The following DNAI4 variants were observed in gnomAD, a reference collection of about 807,000 sequenced individuals.
DNAI4 encodes the protein WD repeat domain 78.
In DNAI4, 85 loss-of-function variants were observed where a neutral mutation model predicts 105.8. The observed-to-expected ratio is 0.80, with a 90% CI of 0.67 to 0.96. The LOEUF (loss-of-function observed/expected upper bound fraction) is 0.96. Among genes scored for constraint, DNAI4 ranks in the 40% least tolerant of loss-of-function variants. DNAI4 has a pLI of 0.00. For missense variants in DNAI4, 1,014 were observed against 1,005.6 expected, an observed-to-expected ratio of 1.01 and a Z score of -0.11; for synonymous variants, 352 against 331.5, an observed-to-expected ratio of 1.06 and a Z score of -0.67.
chr1:66,813,385 T>C lies in DNAI4; in HGVS notation c.*745A>G, dbSNP rs1645453235. The stretch of plus-strand genomic sequence containing the variant: ...CCTTGCTCTAGAACTCTTCATAAAA[T>C]AACATCCTGATGTGGCCTATAGATC... On this transcript the variant is annotated 3_prime_UTR_variant, in exon 17 of 17. Coordinates refer to ENST00000371026, the MANE Select transcript of DNAI4 (RefSeq NM_024763.5). The C allele has an allele frequency of 6.6e-6, 1 of 152,306 alleles. No homozygotes were observed. Among genetic ancestry groups the C allele is most frequent in the Admixed American group, 6.5e-5 (1 of 15,278 alleles). The allele number at this position is 152,306 out of a possible 1,614,324, so 9.4% of individuals were successfully genotyped here. A position where few individuals can be genotyped will look rare whatever the true frequency, so the allele number is the denominator to read the frequency against.
In DNAI4 at chr1:66,834,166, A is replaced by T. The variant is rs774195475; in HGVS notation, c.1734-18T>A. 5.7e-6 allele frequency: 9 copies of T among 1,568,242 alleles called. No homozygotes were observed. The highest frequency in any genetic ancestry group is 7.8e-6 in the Non-Finnish European group (9 of 1,159,154). On this transcript the variant is annotated intron_variant, in intron 11 of 16. Coordinates refer to ENST00000371026, the MANE Select transcript of DNAI4 (RefSeq NM_024763.5). Reference sequence around the variant, plus strand: ...GTGATTCACTAAAACAGTAAAAAAAATACTAAACATATAATCATTATAATA... The same window carrying T: ...GTGATTCACTAAAACAGTAAAAAAATTACTAAACATATAATCATTATAATA...
intron 5 of DNAI4, 43 bp from the exon 6 acceptor site, chr1:66,871,552 C>A (rs751338119): frequency 2.7e-6 from 4 of 1,496,698 alleles, no homozygotes; most frequent in Non-Finnish European, 2.7e-6. Flanking sequence ...TAAGAATCAT[C>A]ACCACACGTA....
intron 4 of DNAI4, among the ~76,000 whole-genome samples, chr1:66,889,755 T>G (rs1258244683): frequency 6.6e-6 from 1 of 152,308 alleles, no homozygotes; most frequent in Non-Finnish European, 1.5e-5. Context: ...CATTATTATT[T>G]CCTCATTCTT....
rs1476840155 is a variant in DNAI4, at chr1:66,837,826, A to G, written c.1495-30T>C. 2.6e-6 allele frequency: 4 copies of G among 1,561,218 alleles called. No individual in the cohort carries two copies. In the African/African-American group the frequency reaches 5.5e-5, roughly 22 times the overall value. On this transcript the variant is annotated intron_variant, in intron 9 of 16. Coordinates refer to ENST00000371026, the MANE Select transcript of DNAI4 (RefSeq NM_024763.5). ...AAACCAGAAAAATACATTTAAAAAT[A>G]AGAGAAGATAGCATTAAAATATTGG... is the stretch of plus-strand genomic sequence containing the variant.
intron 7 of DNAI4, chr1:66,848,039 T>C: frequency 8.1e-6 from 3 of 368,568 alleles, no homozygotes; most frequent in South Asian, 4.2e-5. Flanking sequence ...TATTAAGTTT[T>C]CTCTTGCTGC....
chr1:66,838,397 A>G (rs1032650428), intron 9 of DNAI4, among the ~76,000 whole-genome samples: 2 of 152,314 alleles, frequency 1.3e-5, no homozygotes, highest in Non-Finnish European at 2.9e-5. Flanking sequence ...ACTGCAAACC[A>G]GGAAGAGAGC....
chr1:66,910,653 A>G (rs1286556501), intron 1 of DNAI4, among the ~76,000 whole-genome samples: 3 of 152,198 alleles, frequency 2.0e-5, no homozygotes, highest in Non-Finnish European at 4.4e-5. Flanking sequence ...TAAAATGTCA[A>G]AATTCTCTCT....
chr1:66,917,349 T>G (rs1650143296), intron 1 of DNAI4, among the ~76,000 whole-genome samples: 1 of 152,204 alleles, frequency 6.6e-6, no homozygotes, highest in Non-Finnish European at 1.5e-5. Context: ...CATGGACAAT[T>G]GTTGTCTTGT....
chr1:66,833,021 G>C (rs900694928), intron 13 of DNAI4, among the ~76,000 whole-genome samples: 1 of 152,010 alleles, frequency 6.6e-6, no homozygotes, highest in African/African-American at 2.4e-5. Context: ...AGTGGCCAAG[G>C]GGGGCAGGGA....
At chr1:66,924,103 A>G (rs989689171) in intron 1 of DNAI4, among the ~76,000 whole-genome samples, 1 of 152,248 alleles carries the variant, frequency 6.6e-6, no homozygotes, top group African/African-American at 2.4e-5. Context: ...GCCTTAACAA[A>G]CTAGAAGTGC....
chr1:66,859,935 T>C (rs1268409299), intron 7 of DNAI4, among the ~76,000 whole-genome samples: 4 of 152,100 alleles, frequency 2.6e-5, no homozygotes, highest in African/African-American at 7.2e-5. Context: ...AAGAACTATA[T>C]AACACAAAGA....
At chr1:66,915,858 C>T (rs971049542) in intron 1 of DNAI4, among the ~76,000 whole-genome samples, 1 of 152,020 alleles carries the variant, frequency 6.6e-6, no homozygotes, top group African/African-American at 2.4e-5. Flanking sequence ...CACAGTGGCT[C>T]ACGTCTGTAA....
intron 11 of DNAI4, among the ~76,000 whole-genome samples, chr1:66,835,189 T>TAGACAGAC (rs144792255): frequency 2.4e-4 from 30 of 122,574 alleles, no homozygotes; most frequent in Admixed American, 4.3e-4. Flanking sequence ...ATACCCTCCT[T>TAGACAGAC]AGACAGATAG....
At chr1:66,900,055 T>C (rs1182266482) in intron 2 of DNAI4, among the ~76,000 whole-genome samples, 1 of 152,168 alleles carries the variant, frequency 6.6e-6, no homozygotes, top group Non-Finnish European at 1.5e-5. Flanking sequence ...TGATTCCATA[T>C]GAATTTTATT....
intron 15 of DNAI4, among the ~76,000 whole-genome samples, chr1:66,824,212 A>T (rs1645698609): frequency 7.1e-6 from 1 of 140,792 alleles, no homozygotes; most frequent in African/African-American, 2.6e-5. Context: ...CAAAGATCAG[A>T]TAGTTGTAGA....
intron 1 of DNAI4, among the ~76,000 whole-genome samples, chr1:66,920,453 CACTT>C (rs1406975692): frequency 2.0e-5 from 3 of 152,306 alleles, no homozygotes; most frequent in Admixed American, 2.0e-4. Flanking sequence ...GAGCTGTTAA[CACTT>C]ACGCTGTCTG....
chr1:66,827,934 C>G (rs1444951441), intron 13 of DNAI4, 24 bp from the exon 14 acceptor site: 1 of 1,451,502 alleles, frequency 6.9e-7, no homozygotes, highest in Non-Finnish European at 9.6e-7. Context: ...CATCGAAATG[C>G]ATTGGCTTGT....
chr1:66,889,003 C>A (rs1647369962), intron 4 of DNAI4, among the ~76,000 whole-genome samples: 1 of 152,158 alleles, frequency 6.6e-6, no homozygotes, highest in African/African-American at 2.4e-5. Context: ...AGAATATCTA[C>A]AGAGAAAGCT....
chr1:66,857,095 A>T (rs1285050424), intron 7 of DNAI4, among the ~76,000 whole-genome samples: 1 of 152,042 alleles, frequency 6.6e-6, no homozygotes, highest in Admixed American at 6.5e-5. Context: ...CAAGAAAAAA[A>T]GAAAGAACAT....
Sources: allele counts gnomAD v4.1 joint callset (sites outside exome capture counted in the v4.1 genomes callset), GRCh38; gene constraint gnomAD v4.1.1; transcripts MANE v1.5; gene names NCBI Gene and HGNC (gene_info 2026-07-23, HGNC 2026-07-21).